BRINP2: variants seen among roughly 807,000 people sequenced by gnomAD.
BRINP2 encodes the protein BMP/retinoic acid inducible neural specific 2.
Under a neutral mutation model 69.2 loss-of-function variants are expected in BRINP2, and 21 were observed. The ratio of observed to expected loss-of-function variants is 0.30; its 90% CI spans 0.22 to 0.44. The LOEUF is 0.44. Ranked by LOEUF, BRINP2 falls within the 20% of genes least tolerant of loss-of-function variation. The probability of loss-of-function intolerance (pLI) is 1.00; values close to 1 mark genes in which losing one functional copy is unlikely to be tolerated. For missense variants in BRINP2, 877 were observed against 986.0 expected (o/e 0.89, Z 1.48); for synonymous variants, 380 against 394.1 (o/e 0.96, Z 0.42).
intron 1 of BRINP2, among the ~76,000 whole-genome samples, chr1:177,196,630 AG>A (rs1206671843): frequency 6.6e-6 from 1 of 151,746 alleles, no homozygotes; most frequent in East Asian, 1.9e-4. Context: ...AAAAAAAAAA[AG>A]AAAGAAAAAG....
chr1:177,271,686 G>A (rs1265289121), intron 4 of BRINP2, among the ~76,000 whole-genome samples: 1 of 152,156 alleles, frequency 6.6e-6, no homozygotes, highest in East Asian at 1.9e-4. Context: ...CCCCTGGCGT[G>A]GCCTCGGTCT....
chr1:177,255,365 T>C (rs1019669399), intron 2 of BRINP2, among the ~76,000 whole-genome samples: 1 of 152,218 alleles, frequency 6.6e-6, no homozygotes. Context: ...ATTTTCTCGG[T>C]TTTGATTTCT....
rs774849529 is a variant in BRINP2, at chr1:177,280,685, T to C, written c.1509T>C (p.Leu503=). 2 of 1,614,236 alleles carry C rather than the reference T, an allele frequency of 1.2e-6. No homozygotes were observed. The highest frequency in any genetic ancestry group is 2.2e-5 in the South Asian group (2 of 91,088). The change falls in exon 8 of 8, where the codon CTT becomes CTC. Residue 503 remains leucine, a synonymous_variant. Transcript: ENST00000361539. Reference sequence around the variant, plus strand: ...TGGCCGAGTCCCTGGAAAACTTTCTTGGGCTGGAGACAGACTTGCAGGACC... The same window carrying C: ...TGGCCGAGTCCCTGGAAAACTTTCTCGGGCTGGAGACAGACTTGCAGGACC... ...PEVAESLENF[L]GLETDLQDLE...
At chr1:177,256,212 TTTTATTGCC>T in intron 3 of BRINP2, 103 bp downstream of exon 3, 1 of 1,443,300 alleles carries the variant, frequency 6.9e-7, no homozygotes, top group African/African-American at 1.4e-5. Context: ...CTTCCGGGCC[TTTTATTGCC>T]TGAGAAGTCT....
chr1:177,232,636 C>T (rs1187050483), intron 2 of BRINP2, among the ~76,000 whole-genome samples: 2 of 152,118 alleles, frequency 1.3e-5, no homozygotes, highest in Non-Finnish European at 2.9e-5. Flanking sequence ...CATTTTTGTC[C>T]CTTCCCACTT....
intron 2 of BRINP2, among the ~76,000 whole-genome samples, chr1:177,246,708 G>A (rs1404156303): frequency 6.6e-6 from 1 of 152,202 alleles, no homozygotes; most frequent in Non-Finnish European, 1.5e-5. Flanking sequence ...TGCAAAGTGG[G>A]TTCCATTGCT....
chr1:177,176,424 A>G (rs1307448942), intron 1 of BRINP2, among the ~76,000 whole-genome samples: 2 of 152,016 alleles, frequency 1.3e-5, no homozygotes, highest in Admixed American at 1.3e-4. Context: ...CATTGAGTTA[A>G]ATCAAATATA....
intron 1 of BRINP2, among the ~76,000 whole-genome samples, chr1:177,219,489 G>T (rs548089460): frequency 6.6e-6 from 1 of 152,310 alleles, no homozygotes; most frequent in South Asian, 2.1e-4. Context: ...TTGTGATGTA[G>T]CATCTATATT....
At chr1:177,273,699 C>T (rs1267048773) in intron 5 of BRINP2, 106 bp downstream of exon 5, 14 of 649,112 alleles carry the variant, frequency 2.2e-5, no homozygotes, top group Non-Finnish European at 3.3e-5. Flanking sequence ...TTTGATCAAA[C>T]CTTTCTTAAG....
chr1:177,272,386 G>A (rs1454301963), intron 4 of BRINP2, among the ~76,000 whole-genome samples: 1 of 152,220 alleles, frequency 6.6e-6, no homozygotes, highest in Non-Finnish European at 1.5e-5. Flanking sequence ...TGAAAAGCCT[G>A]GAATGTATTA....
At position 177,239,225 on chromosome 1, in the gene BRINP2, G is replaced by A. The variant is rs143067357; in HGVS notation, c.269+9080G>A. On this transcript the variant is annotated intron_variant, in intron 2 of 7. Coordinates refer to ENST00000361539, the MANE Select transcript of BRINP2 (RefSeq NM_021165.4). ...ATTTCCCTCAAAGACCCTGTCATTC[G>A]TTCTCTCTTTCCACAAGAGTTTTCC... 1.7e-3 allele frequency among the ~76,000 whole-genome samples: 255 copies of A among 152,222 alleles called. 2 individuals carry two copies. Among genetic ancestry groups the A allele is most frequent in the African/African-American group, 5.4e-3 (225 of 41,532 alleles).
At chr1:177,233,691 G>A (rs887510827) in intron 2 of BRINP2, among the ~76,000 whole-genome samples, 1 of 152,056 alleles carries the variant, frequency 6.6e-6, no homozygotes, top group African/African-American at 2.4e-5. Flanking sequence ...ATCTTCTCTG[G>A]GGCACACTCT....
At chr1:177,221,778 C>A (rs186773557) in intron 1 of BRINP2, among the ~76,000 whole-genome samples, 1 of 152,084 alleles carries the variant, frequency 6.6e-6, no homozygotes, top group Non-Finnish European at 1.5e-5. Flanking sequence ...TTCCAGGACA[C>A]GATCAGGTGG....
intron 1 of BRINP2, among the ~76,000 whole-genome samples, chr1:177,222,732 A>G (rs1649574581): frequency 6.6e-6 from 1 of 152,152 alleles, no homozygotes; most frequent in East Asian, 1.9e-4. Flanking sequence ...AACAAACAAA[A>G]AAACAGATGA....
intron 1 of BRINP2, among the ~76,000 whole-genome samples, chr1:177,181,465 G>C (rs1404184291): frequency 6.6e-6 from 1 of 152,170 alleles, no homozygotes; most frequent in Non-Finnish European, 1.5e-5. Flanking sequence ...TCCCCACCAC[G>C]AGGCTGCCGG....
At position 177,229,904 on chromosome 1, in the gene BRINP2, A is replaced by G. The variant is rs1571917012; in HGVS notation, c.28A>G (p.Arg10Gly). The G allele has an allele frequency of 6.2e-7, 1 of 1,604,338 alleles. No individual in the cohort carries two copies. Among genetic ancestry groups the G allele is most frequent in the Non-Finnish European group, 8.5e-7 (1 of 1,173,946 alleles). Residue 10 changes from arginine to glycine, a missense_variant, in exon 2 of 8, where the codon AGA (arginine) becomes GGA (glycine). This residue lies in a region of BRINP2 where 566 missense variants were observed against 625.2 expected (regional missense o/e 0.91). Transcript: ENST00000361539. Reference sequence around the variant, plus strand: ...GAGGTGGCAGTGTGGCACTCGGTTTAGAGGGCTTCGGCCGGCGGTGGCCCC... The same window carrying G: ...GAGGTGGCAGTGTGGCACTCGGTTTGGAGGGCTTCGGCCGGCGGTGGCCCC... MRWQCGTRF[R>G]GLRPAVAPWT...
intron 5 of BRINP2, chr1:177,275,040 C>T (rs1240602727): frequency 4.5e-6 from 2 of 444,684 alleles, no homozygotes; most frequent in African/African-American, 4.0e-5. Flanking sequence ...GAGGAGCTCA[C>T]CATATCCAGA....
chr1:177,256,149 C>T lies in BRINP2; in HGVS notation c.460+40C>T, dbSNP rs758390236. Reference sequence around the variant, plus strand: ...AATCCCAAGCTAATTGGTTGCCAGACCATTGGAAATAACGTTAAGACTCGT... The same window carrying T: ...AATCCCAAGCTAATTGGTTGCCAGATCATTGGAAATAACGTTAAGACTCGT... On this transcript the variant is annotated intron_variant, in intron 3 of 7. Transcript: ENST00000361539. 2.5e-6 allele frequency: 4 copies of T among 1,597,944 alleles called. No homozygotes were observed. In the South Asian group the frequency reaches 3.3e-5, roughly 13 times the overall value.
intron 4 of BRINP2, among the ~76,000 whole-genome samples, chr1:177,270,714 A>G (rs991790845): frequency 1.3e-5 from 2 of 152,190 alleles, no homozygotes; most frequent in South Asian, 2.1e-4. Flanking sequence ...GAAAAACCCA[A>G]TGACGACGGA....
Sources: gnomAD v4.1 joint callset for allele counts (sites outside exome capture counted in the v4.1 genomes callset) on GRCh38, gnomAD v4.1.1 for gene constraint, gnomAD v4.1.1 regional missense constraint, MANE v1.5 for transcripts, NCBI Gene and HGNC (gene_info 2026-07-23, HGNC 2026-07-21) for gene names.